The following LRIG1 variants were observed in gnomAD, a reference collection of about 807,000 sequenced individuals.
LRIG1 encodes leucine rich repeats and immunoglobulin like domains 1.
In LRIG1, 48 loss-of-function variants were observed where a neutral mutation model predicts 99.2. The ratio of observed to expected loss-of-function variants is 0.48; its 90% CI spans 0.38 to 0.62. The LOEUF is 0.62. Ranked by LOEUF, LRIG1 falls within the 20% of genes least tolerant of loss-of-function variation. LRIG1 has a pLI of 0.00. For synonymous variants in LRIG1, 772 were observed against 596.1 expected (o/e 1.29, Z -4.30); for missense variants, 1,646 against 1,434.4 (o/e 1.15, Z -2.38).
intron 3 of LRIG1, among the ~76,000 whole-genome samples, chr3:66,424,541 T>G (rs1702918018): frequency 6.6e-6 from 1 of 152,192 alleles, no homozygotes; most frequent in African/African-American, 2.4e-5. Flanking sequence ...TCATTTTCAC[T>G]CCTTTAACAT....
At chr3:66,483,802 G>T (rs547545960) in intron 1 of LRIG1, among the ~76,000 whole-genome samples, 41 of 151,270 alleles carry the variant, frequency 2.7e-4, no homozygotes, top group Non-Finnish European at 4.9e-4. Flanking sequence ...GAAGGGCACC[G>T]CGGGCTCCCT....
At chr3:66,408,320 A>T (rs1702349910) in intron 7 of LRIG1, among the ~76,000 whole-genome samples, 1 of 152,168 alleles carries the variant, frequency 6.6e-6, no homozygotes, top group Admixed American at 6.5e-5. Flanking sequence ...AGTTAAACAG[A>T]CCTGGCAGGA....
chr3:66,485,389 T>C (rs1700949260), intron 1 of LRIG1, among the ~76,000 whole-genome samples: 1 of 152,116 alleles, frequency 6.6e-6, no homozygotes, highest in South Asian at 2.1e-4. Flanking sequence ...ACTGTTTATA[T>C]GTTCTTGAGT....
chr3:66,467,563 G>A lies in LRIG1; in HGVS notation c.219-5054C>T, dbSNP rs182925528. Among the ~76,000 whole-genome samples the A allele has an allele frequency of 2.5e-3, 385 of 152,142 alleles. 4 individuals carry two copies. The highest frequency in any genetic ancestry group is 3.1e-3 in the Non-Finnish European group (210 of 67,994). On this transcript the variant is annotated intron_variant, in intron 1 of 18. Transcript: ENST00000273261. ...TTTTAAGTAGAGACAGGGTTTCACCGTGTTAGCCAGGATGGTCTTGATCTC... is the reference window on the plus strand; with the variant it reads ...TTTTAAGTAGAGACAGGGTTTCACCATGTTAGCCAGGATGGTCTTGATCTC...
intron 5 of LRIG1, among the ~76,000 whole-genome samples, chr3:66,413,757 T>G (rs1225625027): frequency 6.6e-6 from 1 of 152,064 alleles, no homozygotes; most frequent in Non-Finnish European, 1.5e-5. Context: ...ACAAACCTTC[T>G]CAGGAATCAC....
At chr3:66,463,602 T>C (rs993661040) in intron 1 of LRIG1, among the ~76,000 whole-genome samples, 1 of 152,236 alleles carries the variant, frequency 6.6e-6, no homozygotes, top group Non-Finnish European at 1.5e-5. Flanking sequence ...GCCCTAACTT[T>C]CTTTGCCAGA....
chr3:66,436,952 G>A (rs1466466267), intron 3 of LRIG1, among the ~76,000 whole-genome samples: 1 of 152,208 alleles, frequency 6.6e-6, no homozygotes, highest in African/African-American at 2.4e-5. Flanking sequence ...TGTTCTGCAG[G>A]AAAGAAAGGT....
At chr3:66,418,893 T>G (rs542740485) in intron 3 of LRIG1, among the ~76,000 whole-genome samples, 1 of 152,216 alleles carries the variant, frequency 6.6e-6, no homozygotes, top group Admixed American at 6.5e-5. Context: ...CTCCCCGGCA[T>G]GAAAGGACCC....
At chr3:66,476,095 C>T (rs925493803) in intron 1 of LRIG1, among the ~76,000 whole-genome samples, 1 of 152,160 alleles carries the variant, frequency 6.6e-6, no homozygotes, top group African/African-American at 2.4e-5. Context: ...AATGGCATTG[C>T]AACTGAGGAC....
rs6794416 is a variant in LRIG1, at chr3:66,479,308, T to C, written c.219-16799A>G. On this transcript the variant is annotated intron_variant, in intron 1 of 18. Transcript: ENST00000273261. ...GGTTACAGGAGAGCAAATTCTCCCATTCTCCTAGGGACACTATGTAATAAG... is the reference window on the plus strand; with the variant it reads ...GGTTACAGGAGAGCAAATTCTCCCACTCTCCTAGGGACACTATGTAATAAG... Among the ~76,000 whole-genome samples the C allele has an allele frequency of 6.3e-3, 955 of 152,338 alleles. 4 individuals carry two copies. The highest frequency in any genetic ancestry group is 0.022 in the African/African-American group (896 of 41,566).
Position 66,412,877 on chromosome 3 carries a change from T to A in LRIG1, c.785A>T (p.His262Leu). Residue 262 changes from histidine to leucine, a missense_variant, in exon 6 of 19, where the codon CAT (histidine) becomes CTT (leucine). His to Leu is a moderately conservative substitution (Grantham distance 99). Coordinates refer to ENST00000273261, the MANE Select transcript of LRIG1 (RefSeq NM_015541.3). Reference protein sequence around the residue: ...DGAFWGLSKMHVLHLEYNSLV... With the variant: ...DGAFWGLSKMLVLHLEYNSLV... ...TAACCTGGTCCGCACTTACAGCACA[T>A]GCATCTTGGACAGTCCCCAGAAGGC... The A allele has an allele frequency of 6.2e-7, 1 of 1,614,112 alleles. No individual in the cohort carries two copies. The highest frequency in any genetic ancestry group is 8.5e-7 in the Non-Finnish European group (1 of 1,179,974).
intron 12 of LRIG1, chr3:66,387,292 T>C (rs747121248): frequency 4.6e-5 from 7 of 151,878 alleles, no homozygotes; most frequent in Admixed American, 6.6e-5. Flanking sequence ...CACATGCAGG[T>C]GCAAGGCCAT....
Position 66,386,013 on chromosome 3 carries a change from G to C in LRIG1, c.1757C>G (p.Thr586Ser). Residue 586 changes from threonine (T) to serine (S), a missense_variant, in exon 13 of 19, where the codon ACC (threonine) becomes AGC (serine). Thr to Ser is a moderately conservative substitution (Grantham distance 58, BLOSUM62 1). Transcript: ENST00000273261. Reference protein sequence around the residue: ...QCVITNHFGSTYSHKARLTVN... With the variant: ...QCVITNHFGSSYSHKARLTVN... ...GGTGAGCCTGGCCTTATGTGAATAGGTGGAGCCAAAGTGGTTGGTGATGAC... is the reference window on the plus strand; with the variant it reads ...GGTGAGCCTGGCCTTATGTGAATAGCTGGAGCCAAAGTGGTTGGTGATGAC... The C allele has an allele frequency of 6.2e-7, 1 of 1,614,172 alleles. No homozygotes were observed. Among genetic ancestry groups the C allele is most frequent in the Non-Finnish European group, 8.5e-7 (1 of 1,180,020 alleles).
rs199575726 is a variant in LRIG1 at position 66,384,149 on chromosome 3, G to T, written c.1913C>A (p.Thr638Lys). The change falls in exon 14 of 19, where the codon ACG (threonine) becomes AAG (lysine). Residue 638 changes from threonine to lysine, a missense_variant. Transcript: ENST00000273261. Reference sequence around the variant, plus strand: ...TCGCTCACGGGCAGCGGGGAAATCCGTGCCTCCATCCTTCTGCCAGGCAAT... The same window carrying T: ...TCGCTCACGGGCAGCGGGGAAATCCTTGCCTCCATCCTTCTGCCAGGCAAT... The part of the protein sequence containing the change: ...PQIAWQKDGG[T>K]DFPAARERRM... 6.2e-7 allele frequency: 1 copy of T among 1,614,064 alleles called. No individual in the cohort carries two copies. The highest frequency in any genetic ancestry group is 1.1e-5 in the South Asian group (1 of 91,084).
At chr3:66,494,313 C>T (rs1288248661) in intron 1 of LRIG1, among the ~76,000 whole-genome samples, 1 of 152,174 alleles carries the variant, frequency 6.6e-6, no homozygotes, top group South Asian at 2.1e-4. Context: ...ACTTTCAACC[C>T]CTTCACCGCC....
chr3:66,405,722 G>A, intron 8 of LRIG1: 1 of 1,106,262 alleles, frequency 9.0e-7, no homozygotes, highest in South Asian at 2.2e-5. Context: ...AAGAGACCCG[G>A]CACAGGGCCG....
intron 4 of LRIG1, 124 bp downstream of exon 4, chr3:66,417,005 C>T (rs1389348907): frequency 1.1e-5 from 14 of 1,314,692 alleles, no homozygotes; most frequent in African/African-American, 1.5e-5. Context: ...CCCACTGACT[C>T]GGCCCAGCCG....
intron 2 of LRIG1, among the ~76,000 whole-genome samples, chr3:66,453,498 T>C (rs1242998137): frequency 6.6e-6 from 1 of 152,196 alleles, no homozygotes; most frequent in East Asian, 1.9e-4. Context: ...CCCCAAAGTC[T>C]AGGTTTTTCC....
At chr3:66,392,594 G>C (rs907649330) in intron 12 of LRIG1, among the ~76,000 whole-genome samples, 2 of 145,428 alleles carry the variant, frequency 1.4e-5, no homozygotes, top group Non-Finnish European at 3.0e-5. Context: ...AACACCTGAC[G>C]TTTTTAGAGG....
Sources: allele counts gnomAD v4.1 joint callset (sites outside exome capture counted in the v4.1 genomes callset), GRCh38; gene constraint gnomAD v4.1.1; transcripts MANE v1.5; gene names NCBI Gene and HGNC (gene_info 2026-07-23, HGNC 2026-07-21).